KCNMB2: variants seen among roughly 807,000 people sequenced by gnomAD.
The protein encoded by KCNMB2 is potassium calcium-activated channel subfamily M regulatory beta subunit 2.
In KCNMB2, 9 loss-of-function variants were observed where a neutral mutation model predicts 24.5. That is an observed-to-expected ratio of 0.37 (90% CI 0.22 to 0.64). The LOEUF is 0.64. KCNMB2 is among the 30% of genes least tolerant of loss of function. The pLI is 0.63. For synonymous variants in KCNMB2, 109 were observed against 104.4 expected (o/e 1.04, Z -0.27); for missense variants, 226 against 284.3 (o/e 0.79, Z 1.47).
chr3:178,611,643 T>A (rs926299315), intron 1 of KCNMB2, among the ~76,000 whole-genome samples: 3 of 152,096 alleles, frequency 2.0e-5, no homozygotes, highest in Admixed American at 2.0e-4. Flanking sequence ...AGGTGGAGCT[T>A]GCAGTGAGCT....
At chr3:178,642,514 C>A (rs572683588) in intron 1 of KCNMB2, among the ~76,000 whole-genome samples, 40 of 152,124 alleles carry the variant, frequency 2.6e-4, no homozygotes, top group Non-Finnish European at 5.3e-4. Context: ...ATGAAGCTAC[C>A]TTTTATAATT....
Position 178,669,613 on chromosome 3 carries a change from G to T in KCNMB2, c.-68+132902G>T, listed in dbSNP as rs534378271. Among the ~76,000 whole-genome samples the T allele has an allele frequency of 3.3e-5, 5 of 152,116 alleles. No individual in the cohort carries two copies. The East Asian group carries it at 9.7e-4, about 29-fold the overall frequency. On this transcript the variant is annotated intron_variant, in intron 1 of 4. Coordinates refer to ENST00000452583, the MANE Select transcript of KCNMB2 (RefSeq NM_181361.3). ...GCTAAATTCTAAAGATAATTCAAAGGTGAATAAGAGGCAATCCCTGTCTTC... is the reference window on the plus strand; with the variant it reads ...GCTAAATTCTAAAGATAATTCAAAGTTGAATAAGAGGCAATCCCTGTCTTC...
At chr3:178,842,598 AG>A in intron 4 of KCNMB2, 54 bp from the exon 5 acceptor site, 3 of 1,193,214 alleles carry the variant, frequency 2.5e-6, no homozygotes, top group Non-Finnish European at 3.6e-6. Flanking sequence ...ACCCCCTCCT[AG>A]AGTCTCAAAC....
At chr3:178,580,924 T>G (rs1717176561) in intron 1 of KCNMB2, among the ~76,000 whole-genome samples, 1 of 152,128 alleles carries the variant, frequency 6.6e-6, no homozygotes, top group South Asian at 2.1e-4. Context: ...ATCAATATAG[T>G]TAAAATGGCC....
At chr3:178,839,377 G>A (rs998517312) in intron 4 of KCNMB2, among the ~76,000 whole-genome samples, 10 of 152,082 alleles carry the variant, frequency 6.6e-5, no homozygotes, top group African/African-American at 2.4e-4. Flanking sequence ...TAAGAAAGAG[G>A]AGAAAGGGAA....
chr3:178,588,298 G>A (rs1252203319), intron 1 of KCNMB2, among the ~76,000 whole-genome samples: 4 of 152,090 alleles, frequency 2.6e-5, no homozygotes, highest in Non-Finnish European at 5.9e-5. Flanking sequence ...CATTACCTGA[G>A]GTGGAAGCAA....
intron 1 of KCNMB2, among the ~76,000 whole-genome samples, chr3:178,724,142 C>T (rs1024490253): frequency 5.9e-5 from 9 of 152,084 alleles, no homozygotes; most frequent in South Asian, 2.1e-4. Flanking sequence ...GCCTCACCAA[C>T]GTCTGTTTTT....
At chr3:178,758,081 T>G (rs543661741) in intron 1 of KCNMB2, among the ~76,000 whole-genome samples, 7 of 80,228 alleles carry the variant, frequency 8.7e-5, no homozygotes, top group African/African-American at 3.9e-4. Context: ...TATATATATA[T>G]ACACAAGAGG....
chr3:178,671,439 G>C (rs1465324553), intron 1 of KCNMB2, among the ~76,000 whole-genome samples: 1 of 152,124 alleles, frequency 6.6e-6, no homozygotes, highest in African/African-American at 2.4e-5. Flanking sequence ...CCTCTAGAGA[G>C]GCAGTCTGCC....
chr3:178,628,642 C>T lies in KCNMB2; in HGVS notation c.-68+91931C>T, dbSNP rs557588779. On this transcript the variant is annotated intron_variant, in intron 1 of 4. Transcript: ENST00000452583. ...GAAGAATCATTATGGGAAGATGCCACTGCAAAAGACCCTCTAGGAGTACAC... is the reference window on the plus strand; with the variant it reads ...GAAGAATCATTATGGGAAGATGCCATTGCAAAAGACCCTCTAGGAGTACAC... 4.6e-5 allele frequency among the ~76,000 whole-genome samples: 7 copies of T among 152,250 alleles called. No individual in the cohort carries two copies. In the South Asian group the frequency reaches 1.5e-3, roughly 32 times the overall value.
At chr3:178,696,930 T>C (rs2108335322) in intron 1 of KCNMB2, among the ~76,000 whole-genome samples, 1 of 152,344 alleles carries the variant, frequency 6.6e-6, no homozygotes, top group Non-Finnish European at 1.5e-5. Context: ...GTGAATTTCT[T>C]AGTCTTGATT....
At position 178,844,420 on chromosome 3, in the gene KCNMB2, A is replaced by ATTTT. The variant is rs1715533916; in HGVS notation, c.*1483_*1484insTTTT. 1 of 151,516 alleles carries ATTTT rather than the reference A, an allele frequency of 6.6e-6. No homozygotes were observed. Among genetic ancestry groups the ATTTT allele is most frequent in the Non-Finnish European group, 1.5e-5 (1 of 67,842 alleles). 9.4% of individuals were successfully genotyped at this position (151,516 alleles called of 1,614,324 possible). On this transcript the variant is annotated 3_prime_UTR_variant, in exon 5 of 5. Transcript: ENST00000452583. ...CAAATGTGTAATTAAATTTTTTTAA[A>ATTTT]AAAAATCTATTAAATTGCAAGATTT...
At chr3:178,774,274 T>C (rs73882853) in intron 1 of KCNMB2, among the ~76,000 whole-genome samples, 3,684 of 152,252 alleles carry the variant, frequency 0.024, 155 homozygotes, top group African/African-American at 0.083. Context: ...ACCTTTCATG[T>C]CTACACCTTT....
intron 1 of KCNMB2, among the ~76,000 whole-genome samples, chr3:178,614,636 C>G (rs932997591): frequency 1.5e-4 from 23 of 152,034 alleles, no homozygotes; most frequent in Admixed American, 1.3e-4. Context: ...GGTGGGGACA[C>G]AGCCAAACCA....
At chr3:178,600,969 A>G (rs1437813521) in intron 1 of KCNMB2, among the ~76,000 whole-genome samples, 4 of 152,154 alleles carry the variant, frequency 2.6e-5, no homozygotes, top group African/African-American at 9.7e-5. Context: ...GATAGACTAG[A>G]TAAAGAAAAT....
intron 2 of KCNMB2, among the ~76,000 whole-genome samples, chr3:178,814,426 A>G (rs577477773): frequency 6.6e-6 from 1 of 152,198 alleles, no homozygotes; most frequent in Non-Finnish European, 1.5e-5. Context: ...TTTGATAAAC[A>G]TATGAGTGCA....
intron 1 of KCNMB2, among the ~76,000 whole-genome samples, chr3:178,599,396 T>C (rs888772991): frequency 1.2e-4 from 18 of 152,142 alleles, no homozygotes; most frequent in African/African-American, 4.1e-4. Context: ...TGGAATTATA[T>C]GGCAAGCTAC....
intron 1 of KCNMB2, among the ~76,000 whole-genome samples, chr3:178,720,484 G>A (rs1330987740): frequency 9.1e-6 from 1 of 110,132 alleles, no homozygotes; most frequent in African/African-American, 4.3e-5. Flanking sequence ...ATAGTCCTTT[G>A]GGTATATACC....
At chr3:178,743,793 TA>T (rs763371946) in intron 1 of KCNMB2, among the ~76,000 whole-genome samples, 72 of 152,332 alleles carry the variant, frequency 4.7e-4, no homozygotes, top group Non-Finnish European at 8.7e-4. Context: ...GCTCCAGCAT[TA>T]AATTTTAAGC....
Sources: allele counts gnomAD v4.1 joint callset (sites outside exome capture counted in the v4.1 genomes callset), GRCh38; gene constraint gnomAD v4.1.1; transcripts MANE v1.5; gene names NCBI Gene and HGNC (gene_info 2026-07-23, HGNC 2026-07-21).